ST6GALNAC3: variants seen among roughly 807,000 people sequenced by gnomAD.
ST6GALNAC3 encodes the protein ST6 N-acetylgalactosaminide alpha-2,6-sialyltransferase 3, also known as alpha-N-acetylgalactosaminide alpha-2,6-sialyltransferase 3.
ST6GALNAC3 carries 25 observed loss-of-function variants against 32.7 expected under a neutral mutation model. The ratio of observed to expected loss-of-function variants is 0.76; its 90% CI spans 0.56 to 1.07. The LOEUF (loss-of-function observed/expected upper bound fraction) is 1.07, where lower values mean the gene tolerates loss of function less well. Among genes scored for constraint, ST6GALNAC3 ranks in the 50% least tolerant of loss-of-function variants. ST6GALNAC3 has a pLI of 0.00. For missense variants in ST6GALNAC3, 355 were observed against 382.4 expected (o/e 0.93, Z 0.60); for synonymous variants, 129 against 133.1 (o/e 0.97, Z 0.21).
chr1:76,238,281 T>C (rs1166383820), intron 1 of ST6GALNAC3, among the ~76,000 whole-genome samples: 1 of 152,194 alleles, frequency 6.6e-6, no homozygotes, highest in East Asian at 1.9e-4. Context: ...AGAAATGTAA[T>C]AAATAATAAA....
In ST6GALNAC3 at chr1:76,463,742, G is replaced by A. The variant is rs143637764; in HGVS notation, c.623+51325G>A. Among the ~76,000 whole-genome samples, 619 of 152,142 alleles carry A rather than the reference G, an allele frequency of 4.1e-3. 1 individual carries two copies. The highest frequency in any genetic ancestry group is 0.014 in the African/African-American group (577 of 41,514). On this transcript the variant is annotated intron_variant, in intron 3 of 4. Transcript: ENST00000328299. ...TCTACGGGTAGACTGAAGATCCTTC[G>A]TTTGCCCTCCCAACTCATTCTGGGC...
rs183415342 is a variant in ST6GALNAC3, at chr1:76,388,544, A to C, written c.214-23464A>C. 1.1e-3 allele frequency among the ~76,000 whole-genome samples: 161 copies of C among 152,286 alleles called. 1 individual carries two copies. The East Asian group carries it at 0.025, about 24-fold the overall frequency. On this transcript the variant is annotated intron_variant, in intron 2 of 4. Transcript: ENST00000328299. The stretch of plus-strand genomic sequence containing the variant: ...ACAGTACTGGCAATGTTGCAGCCAG[A>C]GGTATAGTTGTTACTATGGAAAGGA...
chr1:76,597,198 A>T (rs1457739356), intron 3 of ST6GALNAC3, among the ~76,000 whole-genome samples: 1 of 152,184 alleles, frequency 6.6e-6, no homozygotes, highest in East Asian at 1.9e-4. Flanking sequence ...AATAACAGAG[A>T]GCCGAGGAAT....
At chr1:76,496,984 A>C (rs1660889164) in intron 3 of ST6GALNAC3, among the ~76,000 whole-genome samples, 1 of 152,166 alleles carries the variant, frequency 6.6e-6, no homozygotes, top group Non-Finnish European at 1.5e-5. Flanking sequence ...AAGAAAGTTG[A>C]AAATTTTGGT....
chr1:76,244,677 G>A (rs571549364), intron 1 of ST6GALNAC3, among the ~76,000 whole-genome samples: 22 of 152,182 alleles, frequency 1.4e-4, no homozygotes, highest in East Asian at 7.7e-4. Flanking sequence ...TATCAATGGC[G>A]TTTTCTGCAT....
rs571630359 is a variant in ST6GALNAC3, at chr1:76,432,737, G to T, written c.623+20320G>T. Reference sequence around the variant, plus strand: ...ATCCCAGAGTGCTGGGATTACAGGCGTAAGCCACCATGCCCAGCCTACTTT... The same window carrying T: ...ATCCCAGAGTGCTGGGATTACAGGCTTAAGCCACCATGCCCAGCCTACTTT... On this transcript the variant is annotated intron_variant, in intron 3 of 4. Coordinates refer to ENST00000328299, the MANE Select transcript of ST6GALNAC3 (RefSeq NM_152996.4). Among the ~76,000 whole-genome samples, 3 of 152,138 alleles carry T rather than the reference G, an allele frequency of 2.0e-5. No homozygotes were observed. In the East Asian group the frequency reaches 5.8e-4, roughly 29 times the overall value.
At chr1:76,254,198 T>C (rs540704735) in intron 1 of ST6GALNAC3, among the ~76,000 whole-genome samples, 109 of 152,276 alleles carry the variant, frequency 7.2e-4, no homozygotes, top group Non-Finnish European at 1.1e-3. Context: ...GATTTTCCTC[T>C]GTTCTTAGGA....
chr1:76,242,837 C>G (rs1260769207), intron 1 of ST6GALNAC3, among the ~76,000 whole-genome samples: 1 of 152,150 alleles, frequency 6.6e-6, no homozygotes, highest in Non-Finnish European at 1.5e-5. Context: ...ACCACATTTT[C>G]TTTATCCATT....
chr1:76,562,584 G>A (rs1665308061), intron 3 of ST6GALNAC3, among the ~76,000 whole-genome samples: 2 of 152,226 alleles, frequency 1.3e-5, no homozygotes, highest in African/African-American at 2.4e-5. Context: ...AGAGCCAAAC[G>A]TCTGTCCACC....
intron 1 of ST6GALNAC3, among the ~76,000 whole-genome samples, chr1:76,171,417 G>A (rs1259315536): frequency 6.6e-6 from 1 of 151,620 alleles, no homozygotes; most frequent in Non-Finnish European, 1.5e-5. Flanking sequence ...ACTAAAACAA[G>A]TAACTAATAA....
chr1:76,211,292 G>T (rs1423404590), intron 1 of ST6GALNAC3, among the ~76,000 whole-genome samples: 1 of 152,178 alleles, frequency 6.6e-6, no homozygotes, highest in African/African-American at 2.4e-5. Context: ...AACAACAGGT[G>T]CTGGAGAGGA....
rs553652485 is a variant in ST6GALNAC3 at position 76,172,985 on chromosome 1, T to C, written c.18+98101T>C. Among the ~76,000 whole-genome samples the C allele has an allele frequency of 2.6e-5, 4 of 152,216 alleles. No homozygotes were observed. The South Asian group carries it at 8.3e-4, about 32-fold the overall frequency. ...TTCTTCACATAATTAGAAAAATCGA[T>C]TTTAAATTTCATGTGGAATCAAAGA... On this transcript the variant is annotated intron_variant, in intron 1 of 4. Transcript: ENST00000328299.
intron 3 of ST6GALNAC3, among the ~76,000 whole-genome samples, chr1:76,430,839 A>C (rs1655703007): frequency 6.6e-6 from 1 of 152,098 alleles, no homozygotes; most frequent in African/African-American, 2.4e-5. Context: ...TTTCGTAAGC[A>C]CTTGAAGATA....
intron 3 of ST6GALNAC3, among the ~76,000 whole-genome samples, chr1:76,433,613 T>C (rs1655925679): frequency 6.6e-6 from 1 of 152,214 alleles, no homozygotes; most frequent in Non-Finnish European, 1.5e-5. Context: ...TTATCTGTCT[T>C]CACCACCAAG....
chr1:76,165,869 T>C (rs1652091096), intron 1 of ST6GALNAC3, among the ~76,000 whole-genome samples: 2 of 151,970 alleles, frequency 1.3e-5, no homozygotes, highest in African/African-American at 4.8e-5. Context: ...GGGTTTTTTT[T>C]CTTGTACATT....
At chr1:76,290,291 CA>C (rs1292932543) in intron 1 of ST6GALNAC3, among the ~76,000 whole-genome samples, 2 of 127,522 alleles carry the variant, frequency 1.6e-5, no homozygotes, top group Non-Finnish European at 3.5e-5. Flanking sequence ...GATCCTTTAA[CA>C]CTAAGGATAT....
At chr1:76,096,528 C>G (rs77403891) in intron 1 of ST6GALNAC3, among the ~76,000 whole-genome samples, 2,601 of 151,498 alleles carry the variant, frequency 0.017, 73 homozygotes, top group African/African-American at 0.06. Flanking sequence ...CTGTAAAGCC[C>G]CCTTCTTTTA....
intron 3 of ST6GALNAC3, among the ~76,000 whole-genome samples, chr1:76,551,748 C>A (rs945705936): frequency 6.6e-6 from 1 of 152,160 alleles, no homozygotes; most frequent in African/African-American, 2.4e-5. Flanking sequence ...TCATCATACT[C>A]TGCTGTCATA....
intron 1 of ST6GALNAC3, among the ~76,000 whole-genome samples, chr1:76,263,371 A>C (rs1052635058): frequency 6.7e-6 from 1 of 150,156 alleles, no homozygotes; most frequent in Non-Finnish European, 1.5e-5. Context: ...ACTATAAATC[A>C]TAACTACCTT....
Sources: allele counts gnomAD v4.1 joint callset (sites outside exome capture counted in the v4.1 genomes callset), GRCh38; gene constraint gnomAD v4.1.1; transcripts MANE v1.5; gene names NCBI Gene and HGNC (gene_info 2026-07-23, HGNC 2026-07-21).